ALKBH8: variants seen among roughly 807,000 people sequenced by gnomAD.
ALKBH8 encodes the protein tRNA (carboxymethyluridine(34)-5-O)-methyltransferase ALKBH8.
Under a neutral mutation model 59.8 loss-of-function variants are expected in ALKBH8, and 36 were observed. The observed-to-expected ratio is 0.60, with a 90% confidence interval of 0.46 to 0.79. The LOEUF (loss-of-function observed/expected upper bound fraction) is 0.79, where lower values mean the gene tolerates loss of function less well. Among genes scored for constraint, ALKBH8 ranks in the 30% least tolerant of loss-of-function variants. The probability of loss-of-function intolerance (pLI) is 0.00; values close to 1 mark genes in which losing one functional copy is unlikely to be tolerated. For synonymous variants in ALKBH8, 276 were observed against 273.6 expected, an observed-to-expected ratio of 1.01 and a Z score of -0.09; for missense variants, 768 against 801.0, an observed-to-expected ratio of 0.96 and a Z score of 0.50.
intron 11 of ALKBH8, among the ~76,000 whole-genome samples, chr11:107,507,973 T>G (rs528081177): frequency 1.5e-4 from 23 of 152,286 alleles, no homozygotes; most frequent in African/African-American, 5.5e-4. Flanking sequence ...TTCCCATGTG[T>G]TAGACCTTTC....
intron 7 of ALKBH8, among the ~76,000 whole-genome samples, chr11:107,534,179 G>T (rs1039209227): frequency 6.6e-6 from 1 of 151,900 alleles, no homozygotes; most frequent in African/African-American, 2.4e-5. Flanking sequence ...ATTGTTGGGG[G>T]GAAATGGGAA....
intron 10 of ALKBH8, among the ~76,000 whole-genome samples, chr11:107,517,970 G>A (rs1862936976): frequency 6.6e-6 from 1 of 152,060 alleles, no homozygotes; most frequent in Non-Finnish European, 1.5e-5. Context: ...GCTAGATTTT[G>A]TCAATCCACA....
At chr11:107,509,754 T>G (rs556341054) in intron 11 of ALKBH8, among the ~76,000 whole-genome samples, 1 of 152,200 alleles carries the variant, frequency 6.6e-6, no homozygotes, top group Non-Finnish European at 1.5e-5. Flanking sequence ...ACAATAGATA[T>G]GTAGAGAAAG....
chr11:107,565,483 C>A (rs1865094367), intron 1 of ALKBH8, 118 bp downstream of exon 1: 3 of 1,444,430 alleles, frequency 2.1e-6, no homozygotes, highest in African/African-American at 2.8e-5. Context: ...GGGATCCATC[C>A]CCTTTCCCTA....
Position 107,504,466 on chromosome 11 carries a change from C to A in ALKBH8, c.*192G>T. 4.1e-6 allele frequency: 3 copies of A among 724,502 alleles called. No individual in the cohort carries two copies. Among genetic ancestry groups the A allele is most frequent in the Non-Finnish European group, 4.8e-6 (2 of 416,428 alleles). The allele number at this position is 724,502 out of a possible 1,614,324, so 44.9% of individuals were successfully genotyped here. On this transcript the variant is annotated 3_prime_UTR_variant, in exon 12 of 12. Transcript: ENST00000428149. ...CCTAGGGAAGTAGGAGGAGCCAACA[C>A]CACATCTGTGATGTCAGCCAACAGG...
chr11:107,539,658 TC>T (rs35277964), intron 7 of ALKBH8, among the ~76,000 whole-genome samples: 38,048 of 151,818 alleles, frequency 0.25, 5,522 homozygotes, highest in East Asian at 0.47. Flanking sequence ...CTTCCCTGAT[TC>T]CTACTGGTAA....
rs1862691907 is a variant in ALKBH8 at position 107,512,788 on chromosome 11, C to T, written c.1288-1752G>A. Among the ~76,000 whole-genome samples the T allele has an allele frequency of 2.0e-5, 3 of 152,318 alleles. No individual in the cohort carries two copies. The South Asian group carries it at 6.2e-4, about 32-fold the overall frequency. On this transcript the variant is annotated intron_variant, in intron 10 of 11. Coordinates refer to ENST00000428149, the MANE Select transcript of ALKBH8 (RefSeq NM_138775.3). ...GAGCACTGATCCTAGGGCTGATCCT[C>T]AGCCCTTCTGAGAATAAAGACTATG...
chr11:107,560,379 T>C (rs183785105), intron 2 of ALKBH8, among the ~76,000 whole-genome samples: 1 of 152,332 alleles, frequency 6.6e-6, no homozygotes, highest in East Asian at 1.9e-4. Context: ...TTTAAGTTTC[T>C]ATTAGCTACT....
chr11:107,510,805 A>G, intron 11 of ALKBH8, 82 bp downstream of exon 11: 1 of 1,413,722 alleles, frequency 7.1e-7, no homozygotes, highest in Non-Finnish European at 9.5e-7. Flanking sequence ...AAGCTAAAAC[A>G]GGGTCCAAAA....
chr11:107,538,563 G>A (rs1011628974), intron 7 of ALKBH8, among the ~76,000 whole-genome samples: 3 of 152,198 alleles, frequency 2.0e-5, no homozygotes, highest in African/African-American at 7.2e-5. Flanking sequence ...TATAGGGCAT[G>A]ACTGAGGATA....
At chr11:107,558,775 ATTTTC>A (rs1252180775) in intron 2 of ALKBH8, among the ~76,000 whole-genome samples, 3 of 152,188 alleles carry the variant, frequency 2.0e-5, no homozygotes, top group Non-Finnish European at 4.4e-5. Context: ...TGTTCAAGCA[ATTTTC>A]TAAATAAGGA....
At chr11:107,513,478 T>A (rs1565314538) in intron 10 of ALKBH8, among the ~76,000 whole-genome samples, 1 of 152,202 alleles carries the variant, frequency 6.6e-6, no homozygotes, top group African/African-American at 2.4e-5. Context: ...GGAAAGCAGT[T>A]TGGCAATTTC....
chr11:107,523,829 T>C (rs1433425575), intron 9 of ALKBH8, among the ~76,000 whole-genome samples: 4 of 151,988 alleles, frequency 2.6e-5, no homozygotes, highest in Non-Finnish European at 4.4e-5. Context: ...CTCGAACTCC[T>C]GACCTCAGAT....
chr11:107,520,648 A>G (rs1433882093), intron 10 of ALKBH8, among the ~76,000 whole-genome samples: 2 of 152,208 alleles, frequency 1.3e-5, no homozygotes, highest in Non-Finnish European at 2.9e-5. Context: ...GACACAATCA[A>G]AGATCTATTT....
intron 2 of ALKBH8, among the ~76,000 whole-genome samples, chr11:107,558,381 A>T (rs901968169): frequency 2.0e-5 from 3 of 152,262 alleles, no homozygotes; most frequent in African/African-American, 7.2e-5. Context: ...ATGGAGTCTC[A>T]GATGGCTTGC....
intron 7 of ALKBH8, among the ~76,000 whole-genome samples, chr11:107,536,038 T>G (rs1164142193): frequency 2.0e-5 from 3 of 152,246 alleles, no homozygotes; most frequent in Admixed American, 6.5e-5. Flanking sequence ...CTAAACAGAC[T>G]GCTACCTACT....
At chr11:107,531,074 A>AT (rs533570829) in intron 8 of ALKBH8, among the ~76,000 whole-genome samples, 82 of 151,348 alleles carry the variant, frequency 5.4e-4, no homozygotes, top group Middle Eastern at 3.4e-3. Flanking sequence ...TCACATCATC[A>AT]TTTTTTTTTA....
chr11:107,522,433 G>A lies in ALKBH8; in HGVS notation c.1153C>T (p.His385Tyr), dbSNP rs1454362472. 1 of 1,551,726 alleles carries A rather than the reference G, an allele frequency of 6.4e-7. No homozygotes were observed. Among genetic ancestry groups the A allele is most frequent in the Admixed American group, 2.0e-5 (1 of 50,988 alleles). Residue 385 changes from histidine to tyrosine, a missense_variant, in exon 10 of 12, where the codon CAC (histidine) becomes TAC (tyrosine). Physicochemically the swap from His to Tyr is moderately conservative, Grantham distance 83. Coordinates refer to ENST00000428149, the MANE Select transcript of ALKBH8 (RefSeq NM_138775.3). ...GGGGTATGTCTTGTGCTGCTGAAGT[G>A]CCCAGCAATCTCTTCATAAACCTGA... ...VHQVYEEIAG[H>Y]FSSTRHTPWP... is the part of the protein sequence containing the mutation.
rs74389954 is a variant in ALKBH8 at position 107,521,743 on chromosome 11, T to G, written c.1287+556A>C. 3.9e-3 allele frequency among the ~76,000 whole-genome samples: 589 copies of G among 152,306 alleles called. 3 individuals carry two copies. The highest frequency in any genetic ancestry group is 0.012 in the African/African-American group (518 of 41,578). On this transcript the variant is annotated intron_variant, in intron 10 of 11. Transcript: ENST00000428149. Reference sequence around the variant, plus strand: ...TGGGTTCAAATTCTGGGTCTAGCACTGTAACCTTGGTCAAGTTTTTAATCT... The same window carrying G: ...TGGGTTCAAATTCTGGGTCTAGCACGGTAACCTTGGTCAAGTTTTTAATCT...
Sources: allele counts gnomAD v4.1 joint callset (sites outside exome capture counted in the v4.1 genomes callset), GRCh38; gene constraint gnomAD v4.1.1; transcripts MANE v1.5; gene names NCBI Gene and HGNC (gene_info 2026-07-23, HGNC 2026-07-21).